LIPJ: variants seen among roughly 807,000 people sequenced by gnomAD.
LIPJ encodes lipase member J.
Under a neutral mutation model 39.8 loss-of-function variants are expected in LIPJ, and 33 were observed. The observed-to-expected ratio is 0.83, with a 90% CI of 0.63 to 1.11. LIPJ has a LOEUF of 1.11. LIPJ is among the 50% of genes least tolerant of loss of function. The probability of loss-of-function intolerance (pLI) is 0.00; values close to 1 mark genes in which losing one functional copy is unlikely to be tolerated. For missense variants in LIPJ, 422 were observed against 427.9 expected (o/e 0.99, Z 0.12); for synonymous variants, 128 against 139.2 (o/e 0.92, Z 0.57).
chr10:88,596,683 C>A, intron 7 of LIPJ, 107 bp from the exon 8 acceptor site: 2 of 1,106,230 alleles, frequency 1.8e-6, no homozygotes, highest in Non-Finnish European at 2.6e-6. Context: ...AATTTTCAAA[C>A]TACTGTGAGA....
At chr10:88,584,280 GAA>G (rs1262080269), upstream of LIPJ, 10 of 151,918 alleles carry the variant, frequency 6.6e-5, no homozygotes, top group Non-Finnish European at 1.2e-4. Context: ...ATATGACTAA[GAA>G]GACATTTTTA....
chr10:88,596,668 T>C, intron 7 of LIPJ, 122 bp from the exon 8 acceptor site: 3 of 1,039,152 alleles, frequency 2.9e-6, no homozygotes, highest in Non-Finnish European at 4.2e-6. Context: ...TTTTCCTTTA[T>C]TTAAAATTTT....
chr10:88,613,993 A>C, the LIPJ span, among the ~76,000 whole-genome samples: 1 of 150,988 alleles, frequency 6.6e-6, no homozygotes, highest in Admixed American at 6.6e-5. Context: ...AATTAGAAAA[A>C]ATACTTAAAG....
At chr10:88,617,268 C>G in the LIPJ span, among the ~76,000 whole-genome samples, 1 of 151,882 alleles carries the variant, frequency 6.6e-6, no homozygotes, top group Non-Finnish European at 1.5e-5. Context: ...GATTAGATAC[C>G]TGAAGTTAGG....
At chr10:88,613,008 G>T in the LIPJ span, among the ~76,000 whole-genome samples, 202 of 152,250 alleles carry the variant, frequency 1.3e-3, no homozygotes, top group Non-Finnish European at 2.5e-3. Flanking sequence ...CTCAGTAAAT[G>T]TAAGAAAACT....
chr10:88,622,234 A>C, the LIPJ span, among the ~76,000 whole-genome samples: 1 of 152,196 alleles, frequency 6.6e-6, no homozygotes, highest in African/African-American at 2.4e-5. Context: ...CTCATACTTC[A>C]GAGCTCCCTG....
intron 6 of LIPJ, among the ~76,000 whole-genome samples, chr10:88,595,730 T>C (rs1271354372): frequency 6.6e-6 from 1 of 151,442 alleles, no homozygotes; most frequent in Non-Finnish European, 1.5e-5. Flanking sequence ...AAATAATCAA[T>C]CAGAATATTG....
At chr10:88,590,743 G>A (rs1361760154) in intron 3 of LIPJ, 47 bp downstream of exon 3, 1 of 1,477,650 alleles carries the variant, frequency 6.8e-7, no homozygotes, top group Non-Finnish European at 9.4e-7. Context: ...AACAGAGAAT[G>A]CTACTTTTCA....
chr10:88,592,430 T>G (rs1353606230), intron 4 of LIPJ: 1 of 151,744 alleles, frequency 6.6e-6, no homozygotes, highest in Non-Finnish European at 1.5e-5. Context: ...GAGAGAGGGG[T>G]TCAGGTACAT....
chr10:88,585,502 A>G (rs1016531531), upstream of LIPJ: 1 of 152,260 alleles, frequency 6.6e-6, no homozygotes, highest in Non-Finnish European at 1.5e-5. Context: ...GCAATGGTAG[A>G]AAACAGTGAA....
At chr10:88,608,133 G>A (rs7071218), downstream of LIPJ, among the ~76,000 whole-genome samples, 43,830 of 151,664 alleles carry the variant, frequency 0.29, 6,630 homozygotes, top group East Asian at 0.53. Flanking sequence ...TAATGAACCT[G>A]AAGGAAAGAT....
At chr10:88,622,453 A>G in the LIPJ span, among the ~76,000 whole-genome samples, 1 of 152,222 alleles carries the variant, frequency 6.6e-6, no homozygotes, top group African/African-American at 2.4e-5. Context: ...TTTAGCCTGC[A>G]TCTCAGTTAT....
At chr10:88,594,640 A>G in intron 5 of LIPJ, 27 bp from the exon 6 acceptor site, 12 of 1,186,896 alleles carry the variant, frequency 1.0e-5, no homozygotes, top group Non-Finnish European at 1.4e-5. Context: ...AGAAAGTGCT[A>G]TTTTTATTTT....
chr10:88,591,160 C>A (rs780956719), intron 3 of LIPJ, among the ~76,000 whole-genome samples: 1 of 151,298 alleles, frequency 6.6e-6, no homozygotes, highest in Non-Finnish European at 1.5e-5. Context: ...TTATTTTATT[C>A]TTTCAATCCC....
At chr10:88,598,745 G>A (rs1271300075) in intron 8 of LIPJ, among the ~76,000 whole-genome samples, 1 of 151,704 alleles carries the variant, frequency 6.6e-6, no homozygotes, top group African/African-American at 2.4e-5. Flanking sequence ...ATAAGCCTCT[G>A]ACCTACATTA....
Position 88,590,712 on chromosome 10 carries a change from AT to A in LIPJ, c.9+17del. 1 of 1,586,330 alleles carries A rather than the reference AT, an allele frequency of 6.3e-7. No homozygotes were observed. Among genetic ancestry groups the A allele is most frequent in the Non-Finnish European group, 8.6e-7 (1 of 1,158,374 alleles). ...TATGAATATTGTAAGTTGTTAGAAA[AT>A]AAATCTGGACTGCTGAAATAACAGA... On this transcript the variant is annotated intron_variant, in intron 3 of 10. Coordinates refer to ENST00000371939, the Ensembl canonical transcript of LIPJ.
chr10:88,606,878 A>G (rs1345249049), exon 11 of LIPJ: 1 of 1,583,686 alleles, frequency 6.3e-7, no homozygotes, highest in South Asian at 1.2e-5. Flanking sequence ...TTACCATGAA[A>G]TCATTGATAT....
intron 4 of LIPJ, chr10:88,593,025 T>C (rs963624581): frequency 6.6e-6 from 1 of 151,956 alleles, no homozygotes; most frequent in Non-Finnish European, 1.5e-5. Flanking sequence ...GTTGCACTTG[T>C]TCATGTACAG....
chr10:88,595,745 G>A (rs186100307), intron 6 of LIPJ, among the ~76,000 whole-genome samples: 1 of 151,572 alleles, frequency 6.6e-6, no homozygotes, highest in Admixed American at 6.6e-5. Context: ...ATATTGATGT[G>A]TAAGTAGATA....
Sources: allele counts gnomAD v4.1 joint callset (sites outside exome capture counted in the v4.1 genomes callset), GRCh38; gene constraint gnomAD v4.1.1; transcripts MANE v1.5; gene names NCBI Gene and HGNC (gene_info 2026-07-23, HGNC 2026-07-21).